The following PRELID2 variants were observed in gnomAD, a reference collection of about 807,000 sequenced individuals.
The protein encoded by PRELID2 is PRELI domain containing 2.
A neutral mutation model predicts 28.4 loss-of-function variants in PRELID2; 25 were observed. That is an observed-to-expected ratio of 0.88 (90% CI 0.64 to 1.23). The LOEUF is 1.23. Among genes scored for constraint, PRELID2 ranks in the 50% most tolerant of loss-of-function variants. The pLI, the probability that PRELID2 is intolerant of heterozygous loss-of-function variation, is 0.00. For missense variants in PRELID2, 201 were observed against 214.4 expected (o/e 0.94, Z 0.39); for synonymous variants, 76 against 71.6 (o/e 1.06, Z -0.31).
intron 1 of PRELID2, among the ~76,000 whole-genome samples, chr5:145,674,107 C>T (rs1754765256): frequency 6.6e-6 from 1 of 151,914 alleles, no homozygotes; most frequent in South Asian, 2.1e-4. Flanking sequence ...GGATCCTAGC[C>T]CTGCTTGGTA....
intron 1 of PRELID2, among the ~76,000 whole-genome samples, chr5:145,525,427 A>G (rs1752598742): frequency 6.6e-6 from 1 of 152,178 alleles, no homozygotes; most frequent in South Asian, 2.1e-4. Flanking sequence ...AAATTTCTAA[A>G]TAATATGGAG....
intron 5 of PRELID2, among the ~76,000 whole-genome samples, chr5:145,776,534 A>G (rs1211979014): frequency 6.6e-6 from 1 of 152,232 alleles, no homozygotes; most frequent in Non-Finnish European, 1.5e-5. Context: ...TCTATCCATG[A>G]AACTGTGAAG....
intron 1 of PRELID2, among the ~76,000 whole-genome samples, chr5:145,828,013 ATAT>A (rs144087725): frequency 0.035 from 5,303 of 152,234 alleles, 311 homozygotes; most frequent in African/African-American, 0.12. Flanking sequence ...TGTTTCTGCA[ATAT>A]TGTTTTTGAA....
chr5:145,424,183 C>T, the PRELID2 span, among the ~76,000 whole-genome samples: 194 of 152,026 alleles, frequency 1.3e-3, 3 homozygotes, highest in East Asian at 0.031. Flanking sequence ...TTACTGCTGT[C>T]TTTTTGTTTG....
chr5:145,790,239 T>C (rs1037486388), intron 5 of PRELID2, among the ~76,000 whole-genome samples: 1 of 152,162 alleles, frequency 6.6e-6, no homozygotes, highest in Non-Finnish European at 1.5e-5. Context: ...AGATATGGAA[T>C]CAACCTAAGT....
intron 1 of PRELID2, among the ~76,000 whole-genome samples, chr5:145,477,304 T>C (rs533577616): frequency 1.3e-5 from 2 of 152,200 alleles, no homozygotes; most frequent in Admixed American, 6.5e-5. Context: ...TTCTCTGTGT[T>C]TGCTCATTCT....
rs146256080 is a variant in PRELID2, at chr5:145,564,933, G to A, written n.71-91618C>T. On this transcript the variant is annotated intron_variant and non_coding_transcript_variant, in intron 1 of 2. Transcript: ENST00000510259. ...ACCCTTCAGGCTTCCTGCGCTTCCC[G>A]GATGAAGTGACACCCCACCCTGCTT... 2.7e-3 allele frequency among the ~76,000 whole-genome samples: 416 copies of A among 152,256 alleles called. 4 individuals carry two copies. The highest frequency in any genetic ancestry group is 9.0e-3 in the African/African-American group (376 of 41,550).
intron 1 of PRELID2, among the ~76,000 whole-genome samples, chr5:145,702,175 A>G (rs1413478144): frequency 6.6e-6 from 1 of 152,102 alleles, no homozygotes; most frequent in East Asian, 1.9e-4. Context: ...CCATCCCTAT[A>G]AACACTTATA....
chr5:145,578,548 A>C lies in PRELID2; in HGVS notation n.71-105233T>G, dbSNP rs149423126. ...GCAAAACCATTGCCAGCAGAAAAGA[A>C]GTAGTCTGTCCTGGGCAGTCCCTGC... On this transcript the variant is annotated intron_variant and non_coding_transcript_variant, in intron 1 of 2. Coordinates refer to the PRELID2 transcript ENST00000510259. Among the ~76,000 whole-genome samples the C allele has an allele frequency of 5.9e-3, 899 of 152,204 alleles. 12 individuals carry two copies. The highest frequency in any genetic ancestry group is 0.02 in the African/African-American group (833 of 41,554).
chr5:145,420,143 A>C, the PRELID2 span, among the ~76,000 whole-genome samples: 1 of 152,066 alleles, frequency 6.6e-6, no homozygotes, highest in Non-Finnish European at 1.5e-5. Context: ...GCCTTGTAGT[A>C]TAGTTTGAAG....
At chr5:145,352,164 A>G in the PRELID2 span, among the ~76,000 whole-genome samples, 2 of 152,156 alleles carry the variant, frequency 1.3e-5, no homozygotes, top group Non-Finnish European at 1.5e-5. Context: ...AGTGGGGACT[A>G]TATGTGGAGG....
At chr5:145,242,861 T>A in the PRELID2 span, among the ~76,000 whole-genome samples, 109 of 152,198 alleles carry the variant, frequency 7.2e-4, 3 homozygotes, top group East Asian at 0.02. Flanking sequence ...AATAAAGTGA[T>A]TTATAGCTTT....
chr5:145,522,811 G>A (rs759099837), intron 1 of PRELID2, among the ~76,000 whole-genome samples: 7 of 151,232 alleles, frequency 4.6e-5, no homozygotes, highest in Non-Finnish European at 8.8e-5. Context: ...GGATGAGAGG[G>A]GGAGGAGGAG....
intron 1 of PRELID2, among the ~76,000 whole-genome samples, chr5:145,826,951 T>A (rs924015162): frequency 1.8e-4 from 28 of 152,192 alleles, no homozygotes; most frequent in Non-Finnish European, 3.4e-4. Context: ...TGCCTTTTTT[T>A]AATAACATTT....
chr5:145,802,025 T>A (rs1208815203), intron 4 of PRELID2, among the ~76,000 whole-genome samples: 5 of 152,232 alleles, frequency 3.3e-5, no homozygotes, highest in African/African-American at 4.8e-5. Flanking sequence ...GTCAACTTCC[T>A]AAGCACACAC....
At chr5:145,763,350 A>T (rs2149767475) in intron 6 of PRELID2, among the ~76,000 whole-genome samples, 1 of 152,324 alleles carries the variant, frequency 6.6e-6, no homozygotes, top group African/African-American at 2.4e-5. Context: ...GGAGTAAACC[A>T]TATTTAGATT....
intron 1 of PRELID2, among the ~76,000 whole-genome samples, chr5:145,644,871 T>A (rs1379563347): frequency 6.6e-6 from 1 of 152,200 alleles, no homozygotes; most frequent in Non-Finnish European, 1.5e-5. Flanking sequence ...TGCGCTGTGG[T>A]CTGAGAGACT....
Position 145,823,088 on chromosome 5 carries a change from TC to T in PRELID2, c.121del (p.Glu41ArgfsTer27). 6.6e-7 allele frequency: 1 copy of T among 1,524,902 alleles called. No individual in the cohort carries two copies. The highest frequency in any genetic ancestry group is 9.1e-7 in the Non-Finnish European group (1 of 1,099,120). 94.5% of individuals were successfully genotyped at this position (1,524,902 alleles called of 1,614,324 possible). On this transcript the variant is annotated frameshift_variant, in exon 2 of 7. Transcript: ENST00000683046. LOFTEE classifies it high-confidence loss of function. ...TACAGAGAACTTACCTCTTTTTTCC[TC>T]CATGATTTTTACTGAGATGACATTT... The part of the protein sequence containing the change: ...DKNVISVKIM[E>X]EKRDESTGVI...
chr5:145,637,676 T>G (rs1369861194), intron 1 of PRELID2, among the ~76,000 whole-genome samples: 1 of 152,132 alleles, frequency 6.6e-6, no homozygotes, highest in Non-Finnish European at 1.5e-5. Context: ...CTTTTTTCAT[T>G]TAGTAAGAGT....
Sources: gnomAD v4.1 joint callset for allele counts (sites outside exome capture counted in the v4.1 genomes callset) on GRCh38, gnomAD v4.1.1 for gene constraint, MANE v1.5 for transcripts, NCBI Gene and HGNC (gene_info 2026-07-23, HGNC 2026-07-21) for gene names.